Variants in ZZZ3 observed in about 807,000 individuals in gnomAD.
ZZZ3 encodes the protein ZZ-type zinc finger-containing protein 3.
A neutral mutation model predicts 95.2 loss-of-function variants in ZZZ3; 22 were observed. The ratio of observed to expected loss-of-function variants is 0.23; its 90% CI spans 0.17 to 0.33. The LOEUF (loss-of-function observed/expected upper bound fraction) is 0.33. Ranked by LOEUF, ZZZ3 falls within the 10% of genes least tolerant of loss-of-function variation. ZZZ3 has a pLI of 1.00. For missense variants in ZZZ3, 885 were observed against 1,066.5 expected (o/e 0.83, Z 2.37); for synonymous variants, 335 against 358.9 (o/e 0.93, Z 0.75).
intron 4 of ZZZ3, among the ~76,000 whole-genome samples, chr1:77,635,849 T>C (rs2100868752): frequency 6.6e-6 from 1 of 152,194 alleles, no homozygotes; most frequent in African/African-American, 2.4e-5. Context: ...AAGGTTGCAG[T>C]GAGCCGAGAT....
At chr1:77,591,307 CTT>C (rs1328697938) in intron 5 of ZZZ3, among the ~76,000 whole-genome samples, 1 of 152,112 alleles carries the variant, frequency 6.6e-6, no homozygotes, top group Non-Finnish European at 1.5e-5. Flanking sequence ...CTTTCTTTCT[CTT>C]TCTTTTCTTT....
At chr1:77,592,463 G>C (rs1441888778) in intron 5 of ZZZ3, among the ~76,000 whole-genome samples, 52 of 152,020 alleles carry the variant, frequency 3.4e-4, no homozygotes, top group Non-Finnish European at 2.9e-5. Context: ...CACCACGCCT[G>C]GCTATTTTTT....
intron 5 of ZZZ3, 119 bp from the exon 6 acceptor site, chr1:77,584,774 A>T (rs943689675): frequency 1.5e-6 from 1 of 687,568 alleles, no homozygotes; most frequent in African/African-American, 1.8e-5. Flanking sequence ...TACCTGAAAG[A>T]GTTTAGTAAA....
chr1:77,616,587 G>A (rs552742396), intron 5 of ZZZ3, among the ~76,000 whole-genome samples: 17 of 152,286 alleles, frequency 1.1e-4, no homozygotes, highest in African/African-American at 2.6e-4. Flanking sequence ...ATTGTCAGCC[G>A]GGCGCGGAGG....
intron 1 of ZZZ3, among the ~76,000 whole-genome samples, chr1:77,658,588 T>C (rs1670503719): frequency 6.6e-6 from 1 of 150,504 alleles, no homozygotes; most frequent in Non-Finnish European, 1.5e-5. Flanking sequence ...GATCTCCAAC[T>C]CCTGGGCTCA....
At chr1:77,566,948 TAGG>T (rs557649046) in intron 13 of ZZZ3, among the ~76,000 whole-genome samples, 164 of 152,294 alleles carry the variant, frequency 1.1e-3, no homozygotes, top group Non-Finnish European at 1.8e-3. Context: ...GCAGCAAAAT[TAGG>T]AGAAGTGAAG....
At chr1:77,580,105 T>C (rs1662355177) in intron 9 of ZZZ3, 1 of 152,502 alleles carries the variant, frequency 6.6e-6, no homozygotes, top group African/African-American at 2.4e-5. Flanking sequence ...ATATTTGATT[T>C]TAATATTCCT....
rs1660676056 is a variant in ZZZ3 at position 77,564,709 on chromosome 1, T to C, written c.*931A>G. The C allele has an allele frequency of 1.3e-5, 2 of 152,634 alleles. No homozygotes were observed. The highest frequency in any genetic ancestry group is 4.8e-5 in the African/African-American group (2 of 41,470). 9.5% of individuals were successfully genotyped at this position (152,634 alleles called of 1,614,324 possible). Reference sequence around the variant, plus strand: ...TAAATTTAATCACTTGTTTAAATAGTAATAAAAATACAATCTTTTATGGAT... The same window carrying C: ...TAAATTTAATCACTTGTTTAAATAGCAATAAAAATACAATCTTTTATGGAT... On this transcript the variant is annotated 3_prime_UTR_variant, in exon 15 of 15. Coordinates refer to ENST00000370801, the MANE Select transcript of ZZZ3 (RefSeq NM_015534.6).
rs1003217382 is a variant in ZZZ3 at position 77,574,080 on chromosome 1, T to C, written c.2331+1988A>G. ...AATTTAAAAACCAATTTGACTTTAC[T>C]TCTGTAGTGGGATATATATATATCT... On this transcript the variant is annotated intron_variant, in intron 12 of 14. Coordinates refer to ENST00000370801, the MANE Select transcript of ZZZ3 (RefSeq NM_015534.6). Among the ~76,000 whole-genome samples, 3 of 149,146 alleles carry C rather than the reference T, an allele frequency of 2.0e-5. No individual in the cohort carries two copies. The East Asian group carries it at 5.8e-4, about 29-fold the overall frequency.
intron 1 of ZZZ3, among the ~76,000 whole-genome samples, chr1:77,676,517 A>G (rs757838490): frequency 6.6e-6 from 1 of 152,180 alleles, no homozygotes; most frequent in Non-Finnish European, 1.5e-5. Context: ...AAAGGGGGAA[A>G]TTTTCATTTA....
intron 1 of ZZZ3, among the ~76,000 whole-genome samples, chr1:77,682,166 C>G (rs979876410): frequency 7.2e-5 from 11 of 151,972 alleles, no homozygotes; most frequent in Admixed American, 3.9e-4. Flanking sequence ...TAAATGACAC[C>G]CAGAGAAAAT....
chr1:77,571,622 C>A (rs1330203396), intron 12 of ZZZ3, among the ~76,000 whole-genome samples: 1 of 152,186 alleles, frequency 6.6e-6, no homozygotes, highest in Non-Finnish European at 1.5e-5. Flanking sequence ...AATTGTGATA[C>A]ATGCTACAAA....
chr1:77,676,829 A>T (rs1029447897), intron 1 of ZZZ3, among the ~76,000 whole-genome samples: 12 of 152,212 alleles, frequency 7.9e-5, no homozygotes, highest in Non-Finnish European at 1.3e-4. Context: ...GAGAAAAATT[A>T]AAAAATTAAA....
Position 77,605,019 on chromosome 1 carries a change from G to A in ZZZ3, c.1506-20364C>T, listed in dbSNP as rs1040169296. Among the ~76,000 whole-genome samples, 5 of 152,216 alleles carry A rather than the reference G, an allele frequency of 3.3e-5. No homozygotes were observed. The East Asian group carries it at 5.8e-4, about 18-fold the overall frequency. ...GCTCCACCGATGGTCCCCCCAAAAA[G>A]GAACACTAAATCTAACAACTATCTA... On this transcript the variant is annotated intron_variant, in intron 5 of 14. Coordinates refer to ENST00000370801, the MANE Select transcript of ZZZ3 (RefSeq NM_015534.6).
At chr1:77,572,265 T>TAATA (rs1661462759) in intron 12 of ZZZ3, among the ~76,000 whole-genome samples, 1 of 152,268 alleles carries the variant, frequency 6.6e-6, no homozygotes, top group Non-Finnish European at 1.5e-5. Context: ...CACTCTATTA[T>TAATA]ATTTTGCCAA....
chr1:77,666,832 C>T (rs1184588581), intron 1 of ZZZ3, among the ~76,000 whole-genome samples: 1 of 152,142 alleles, frequency 6.6e-6, no homozygotes, highest in East Asian at 1.9e-4. Flanking sequence ...ATGAGGTTCA[C>T]ACCAAAGAGC....
chr1:77,677,706 C>A (rs1672392347), intron 1 of ZZZ3, among the ~76,000 whole-genome samples: 1 of 152,062 alleles, frequency 6.6e-6, no homozygotes, highest in Non-Finnish European at 1.5e-5. Flanking sequence ...GTTCACTGCA[C>A]AGAACATTTT....
At position 77,632,447 on chromosome 1, in the gene ZZZ3, G is replaced by C. The variant is rs1156798555; in HGVS notation, c.908C>G (p.Pro303Arg). 1.9e-6 allele frequency: 3 copies of C among 1,613,918 alleles called. No individual in the cohort carries two copies. The highest frequency in any genetic ancestry group is 1.3e-5 in the African/African-American group (1 of 74,892). ...TAAAGATGACTGAGTTTCAGAAAAG[G>C]GCCCTGTAGCTGGCTCAGTAGTCAG... Reference protein sequence around the residue: ...NQLTTEPATGPFSETQSSLRD... With the variant: ...NQLTTEPATGRFSETQSSLRD... Residue 303 changes from proline to arginine, a missense_variant, in exon 5 of 15, where the codon CCC becomes CGC. Pro to Arg is a moderately radical substitution (Grantham distance 103). Around this residue, in one of 5 missense-constraint regions of ZZZ3, gnomAD observed 556 missense variants for 652.9 expected, o/e 0.85. Transcript: ENST00000370801.
At chr1:77,573,286 A>ATT (rs34142930) in intron 12 of ZZZ3, among the ~76,000 whole-genome samples, 1 of 146,900 alleles carries the variant, frequency 6.8e-6, no homozygotes, top group Admixed American at 6.8e-5. Context: ...TGCCCAGCTA[A>ATT]TTTTTTTTTT....
Sources: allele counts gnomAD v4.1 joint callset (sites outside exome capture counted in the v4.1 genomes callset), GRCh38; gene constraint gnomAD v4.1.1; regional missense constraint gnomAD v4.1.1; transcripts MANE v1.5; gene names NCBI Gene and HGNC (gene_info 2026-07-23, HGNC 2026-07-21).